The following REEP1 variants were observed in gnomAD, a reference collection of about 807,000 sequenced individuals.
REEP1 encodes the protein receptor expression-enhancing protein 1.
Under a neutral mutation model 40.3 loss-of-function variants are expected in REEP1, and 22 were observed. That is an observed-to-expected ratio of 0.55 (90% CI 0.39 to 0.78). The LOEUF is 0.78. Ranked by LOEUF, REEP1 falls within the 30% of genes least tolerant of loss-of-function variation. The pLI, the probability that REEP1 is intolerant of heterozygous loss-of-function variation, is 0.00. For missense variants in REEP1, 280 were observed against 361.1 expected (o/e 0.78, Z 1.82); for synonymous variants, 116 against 139.2 (o/e 0.83, Z 1.17).
rs146147814 is a variant in REEP1 at position 86,273,110 on chromosome 2, C to T, written c.105+9060G>A. 2.5e-3 allele frequency among the ~76,000 whole-genome samples: 364 copies of T among 148,202 alleles called. 5 individuals carry two copies. Among genetic ancestry groups the T allele is most frequent in the African/African-American group, 8.5e-3 (340 of 40,206 alleles). ...GCTCTGTGATTATACCACTGTACTC[C>T]AGCCTTGGCAACAGAACAAGACCCT... is the stretch of plus-strand genomic sequence containing the variant. On this transcript the variant is annotated intron_variant, in intron 2 of 8. Transcript: ENST00000538924.
chr2:86,317,168 A>G (rs1262990163), intron 1 of REEP1, among the ~76,000 whole-genome samples: 2 of 152,086 alleles, frequency 1.3e-5, no homozygotes, highest in African/African-American at 2.4e-5. Flanking sequence ...GCCGACCCGG[A>G]CTCTTCAATA....
At chr2:86,245,974 C>G (rs574266952) in intron 5 of REEP1, among the ~76,000 whole-genome samples, 15 of 152,176 alleles carry the variant, frequency 9.9e-5, no homozygotes, top group African/African-American at 3.1e-4. Context: ...CCATGTTAGC[C>G]AGGATGGTCT....
chr2:86,310,727 C>CTCTCTG (rs1466939833), intron 1 of REEP1, among the ~76,000 whole-genome samples: 2 of 151,732 alleles, frequency 1.3e-5, no homozygotes, highest in South Asian at 2.1e-4. Context: ...CTCTCTCTCT[C>CTCTCTG]TGTGTATGTG....
At chr2:86,292,742 G>A (rs1322755699) in intron 1 of REEP1, among the ~76,000 whole-genome samples, 2 of 152,188 alleles carry the variant, frequency 1.3e-5, no homozygotes, top group Non-Finnish European at 2.9e-5. Context: ...GGGGTGGGGG[G>A]AAAGAGTGAG....
intron 8 of REEP1, among the ~76,000 whole-genome samples, chr2:86,219,156 T>C (rs1674281741): frequency 6.6e-6 from 1 of 152,210 alleles, no homozygotes; most frequent in South Asian, 2.1e-4. Flanking sequence ...ATGTCAAGGG[T>C]ATTGGTTTTG....
At chr2:86,299,094 A>G (rs1679144027) in intron 1 of REEP1, among the ~76,000 whole-genome samples, 1 of 152,172 alleles carries the variant, frequency 6.6e-6, no homozygotes, top group African/African-American at 2.4e-5. Flanking sequence ...GCTTATGTTG[A>G]TATCAAGGGC....
intron 4 of REEP1, among the ~76,000 whole-genome samples, chr2:86,253,161 G>C (rs1482903879): frequency 6.6e-6 from 1 of 152,134 alleles, no homozygotes; most frequent in Admixed American, 6.5e-5. Context: ...CGTGCCTATA[G>C]TCCCAGCTAC....
chr2:86,246,750 G>C (rs1675979885), intron 5 of REEP1, among the ~76,000 whole-genome samples: 1 of 146,122 alleles, frequency 6.8e-6, no homozygotes, highest in Admixed American at 7.0e-5. Context: ...TGCCCAGGCT[G>C]AAGTGCAATG....
At chr2:86,242,334 T>C (rs1251922930) in intron 5 of REEP1, among the ~76,000 whole-genome samples, 4 of 152,210 alleles carry the variant, frequency 2.6e-5, no homozygotes, top group African/African-American at 9.7e-5. Context: ...GCTCTGTTGG[T>C]CATGGCAGCT....
At chr2:86,318,578 A>G (rs1481711523) in intron 1 of REEP1, among the ~76,000 whole-genome samples, 1 of 151,782 alleles carries the variant, frequency 6.6e-6, no homozygotes, top group Non-Finnish European at 1.5e-5. Context: ...TTGTATTTTT[A>G]GTAGAGACGG....
intron 2 of REEP1, among the ~76,000 whole-genome samples, chr2:86,273,998 C>T (rs767368390): frequency 6.6e-6 from 1 of 152,148 alleles, no homozygotes; most frequent in Non-Finnish European, 1.5e-5. Flanking sequence ...AGAATGCTGG[C>T]ACTGTGAATG....
chr2:86,317,513 A>G (rs1680073680), intron 1 of REEP1, among the ~76,000 whole-genome samples: 1 of 152,204 alleles, frequency 6.6e-6, no homozygotes, highest in Non-Finnish European at 1.5e-5. Flanking sequence ...CAATATTACC[A>G]AGACATTTGC....
At chr2:86,327,568 CTTTT>C (rs34203842) in intron 1 of REEP1, among the ~76,000 whole-genome samples, 1 of 137,750 alleles carries the variant, frequency 7.3e-6, no homozygotes, top group Non-Finnish European at 1.5e-5. Flanking sequence ...GTCTATCTTA[CTTTT>C]TTTTTTTTTT....
chr2:86,262,664 C>G (rs1676928492), intron 3 of REEP1, among the ~76,000 whole-genome samples: 1 of 152,194 alleles, frequency 6.6e-6, no homozygotes, highest in Admixed American at 6.5e-5. Context: ...GGGTAAGAAC[C>G]TGTTTTCTCC....
Position 86,254,816 on chromosome 2 carries a change from T to C in REEP1, c.183-2A>G, listed in dbSNP as rs387906264. 2 of 1,613,922 alleles carry C rather than the reference T, an allele frequency of 1.2e-6. No homozygotes were observed. The highest frequency in any genetic ancestry group is 1.7e-6 in the Non-Finnish European group (2 of 1,179,940). Reference sequence around the variant, plus strand: ...TTTAGTTCATAATAGAATGGAAACCTGGAGAGAGAGATGAAAACACAAGTT... The same window carrying C: ...TTTAGTTCATAATAGAATGGAAACCCGGAGAGAGAGATGAAAACACAAGTT... On this transcript the variant is annotated splice_acceptor_variant, in intron 3 of 8. Transcript: ENST00000538924. LOFTEE classifies it high-confidence loss of function.
intron 1 of REEP1, among the ~76,000 whole-genome samples, chr2:86,322,900 G>A (rs1455634508): frequency 6.6e-6 from 1 of 152,134 alleles, no homozygotes; most frequent in Non-Finnish European, 1.5e-5. Context: ...GGGCAACAGA[G>A]TGAGATGTTG....
chr2:86,315,694 A>G (rs1293051644), intron 1 of REEP1, among the ~76,000 whole-genome samples: 1 of 152,144 alleles, frequency 6.6e-6, no homozygotes, highest in Non-Finnish European at 1.5e-5. Context: ...GTGGTTTTGG[A>G]TAGCCCACAG....
In REEP1 at chr2:86,251,950, A is replaced by G. The variant is rs1558889542; in HGVS notation, c.417+7T>C. 1.9e-6 allele frequency: 3 copies of G among 1,594,444 alleles called. No individual in the cohort carries two copies. Among genetic ancestry groups the G allele is most frequent in the Non-Finnish European group, 2.6e-6 (3 of 1,162,518 alleles). On this transcript the variant is annotated splice_region_variant and intron_variant, in intron 5 of 8. Coordinates refer to ENST00000538924, the MANE Select transcript of REEP1 (RefSeq NM_001371279.1). ...CTCATGTAGTTGTGGTACTTCCAGC[A>G]CAGTACCTTGGAAGCAGCCATCACA...
chr2:86,276,182 C>T (rs567205722), intron 2 of REEP1, among the ~76,000 whole-genome samples: 2 of 152,312 alleles, frequency 1.3e-5, no homozygotes, highest in East Asian at 3.9e-4. Flanking sequence ...TGGCCACAAC[C>T]ACTGCTCAGA....
Sources: gnomAD v4.1 joint callset for allele counts (sites outside exome capture counted in the v4.1 genomes callset) on GRCh38, gnomAD v4.1.1 for gene constraint, MANE v1.5 for transcripts, NCBI Gene and HGNC (gene_info 2026-07-23, HGNC 2026-07-21) for gene names.